Variants in EVI5 observed in about 807,000 individuals in gnomAD.
EVI5 encodes ecotropic viral integration site 5.
A neutral mutation model predicts 112.0 loss-of-function variants in EVI5; 73 were observed. That is an observed-to-expected ratio of 0.65 (90% CI 0.54 to 0.79). EVI5 has a LOEUF of 0.79. Among genes scored for constraint, EVI5 ranks in the 30% least tolerant of loss-of-function variants. The pLI is 0.00. For missense variants in EVI5, 900 were observed against 968.8 expected (o/e 0.93, Z 0.94); for synonymous variants, 305 against 319.9 (o/e 0.95, Z 0.50).
chr1:92,688,982 A>AAACAACT (rs891738668), intron 9 of EVI5, among the ~76,000 whole-genome samples: 26 of 152,290 alleles, frequency 1.7e-4, no homozygotes, highest in African/African-American at 6.0e-4. Context: ...CCCAGATCAT[A>AAACAACT]AACAACTAGT....
intron 5 of EVI5, among the ~76,000 whole-genome samples, chr1:92,698,777 T>A (rs959678336): frequency 6.6e-6 from 1 of 152,152 alleles, no homozygotes; most frequent in African/African-American, 2.4e-5. Flanking sequence ...ATGGTACAAG[T>A]ATTAAAAGGA....
intron 13 of EVI5, among the ~76,000 whole-genome samples, chr1:92,637,101 T>G (rs1334466558): frequency 6.6e-6 from 1 of 152,176 alleles, no homozygotes; most frequent in Non-Finnish European, 1.5e-5. Context: ...TGTAGAAATC[T>G]TCTTCAAAAG....
intron 1 of EVI5, among the ~76,000 whole-genome samples, chr1:92,778,446 G>A (rs1684439905): frequency 6.6e-6 from 1 of 152,090 alleles, no homozygotes; most frequent in African/African-American, 2.4e-5. Flanking sequence ...CATACAAGGT[G>A]GAAGACATAG....
chr1:92,693,884 T>A lies in EVI5; in HGVS notation c.1015A>T (p.Ile339Phe), dbSNP rs1326287199. The A allele has an allele frequency of 6.3e-7, 1 of 1,594,708 alleles. No homozygotes were observed. Among genetic ancestry groups the A allele is most frequent in the Admixed American group, 1.7e-5 (1 of 59,712 alleles). ...EGMLQHFQKVIPHQFDGVPDK... is the reference protein window; with the variant it reads ...EGMLQHFQKVFPHQFDGVPDK... ...GGGACACCATCAAACTGATGTGGAA[T>A]GACCTTTTGAAAGTGCTAAGATACA... The change falls in exon 9 of 20, where the codon ATT becomes TTT. Residue 339 changes from isoleucine (I) to phenylalanine (F), a missense_variant. By Grantham distance (21) the Ile-to-Phe change is conservative (BLOSUM62 0). Transcript: ENST00000684568.
At chr1:92,672,413 G>A (rs963060290) in intron 10 of EVI5, among the ~76,000 whole-genome samples, 1 of 152,066 alleles carries the variant, frequency 6.6e-6, no homozygotes, top group Non-Finnish European at 1.5e-5. Flanking sequence ...ACCCCGAATA[G>A]GTTCTGCCAT....
rs567081937 is a variant in EVI5 at position 92,716,691 on chromosome 1, T to G, written c.150-11947A>C. Among the ~76,000 whole-genome samples, 53 of 149,780 alleles carry G rather than the reference T, an allele frequency of 3.5e-4. 1 individual carries two copies. The South Asian group carries it at 0.011, about 31-fold the overall frequency. On this transcript the variant is annotated intron_variant, in intron 2 of 19. Coordinates refer to ENST00000684568, the MANE Select transcript of EVI5 (RefSeq NM_001350197.2). ...ACTTCTCCAAGCTAAAGGAGGATGT[T>G]CAAACCCATCACAAGGAAGCTAAAA...
intron 13 of EVI5, among the ~76,000 whole-genome samples, chr1:92,648,571 TG>T (rs1243995385): frequency 1.3e-5 from 2 of 152,126 alleles, no homozygotes; most frequent in Non-Finnish European, 2.9e-5. Flanking sequence ...CACTAATCTG[TG>T]TTCTGTTCTC....
chr1:92,651,655 T>G (rs925850416), intron 13 of EVI5, among the ~76,000 whole-genome samples: 3 of 146,728 alleles, frequency 2.0e-5, no homozygotes, highest in African/African-American at 7.6e-5. Context: ...ATCGAGACCA[T>G]CCCGGCTAAA....
chr1:92,679,692 C>T (rs2102341042), intron 9 of EVI5, among the ~76,000 whole-genome samples: 1 of 152,212 alleles, frequency 6.6e-6, no homozygotes, highest in South Asian at 2.1e-4. Flanking sequence ...ACCTAAAGCC[C>T]ATGACAGTTT....
intron 18 of EVI5, among the ~76,000 whole-genome samples, chr1:92,574,342 A>G (rs529203703): frequency 1.3e-5 from 2 of 152,290 alleles, no homozygotes; most frequent in East Asian, 3.8e-4. Context: ...GAAAGTGGGC[A>G]TTTTATTCAG....
chr1:92,531,133 T>C (rs951482700), intron 19 of EVI5, among the ~76,000 whole-genome samples: 6 of 151,852 alleles, frequency 4.0e-5, no homozygotes, highest in Non-Finnish European at 1.5e-5. Context: ...GAGAATTTCA[T>C]GAAGCATACA....
chr1:92,528,201 G>A (rs761328228), intron 19 of EVI5, among the ~76,000 whole-genome samples: 1 of 152,192 alleles, frequency 6.6e-6, no homozygotes, highest in Non-Finnish European at 1.5e-5. Context: ...AATCACGTTA[G>A]TGAAGATACG....
At chr1:92,621,234 A>C (rs1453070160) in intron 16 of EVI5, among the ~76,000 whole-genome samples, 1 of 152,246 alleles carries the variant, frequency 6.6e-6, no homozygotes, top group African/African-American at 2.4e-5. Context: ...AAGGTGACAG[A>C]TATCAATCCA....
chr1:92,622,346 A>G, intron 16 of EVI5: 2 of 443,920 alleles, frequency 4.5e-6, no homozygotes, highest in South Asian at 3.2e-5. Flanking sequence ...CCAGACTGCC[A>G]ACAGTGTTGA....
At position 92,624,251 on chromosome 1, in the gene EVI5, G is replaced by A; in HGVS notation, c.1752C>T (p.Thr584=). The A allele has an allele frequency of 6.2e-7, 1 of 1,612,504 alleles. No homozygotes were observed. The highest frequency in any genetic ancestry group is 8.5e-7 in the Non-Finnish European group (1 of 1,178,670). The stretch of plus-strand genomic sequence containing the variant: ...GTGTTTCAGCTTCTCTAAGTCGAAT[G>A]GTCATCAGTTCATCTTGTAACTCAT... The part of the protein sequence containing the change: ...AMNELQDELM[T]IRLREAETQA... Residue 584 remains threonine, a synonymous_variant, in exon 16 of 20, where the codon ACC becomes ACT. Coordinates refer to ENST00000684568, the MANE Select transcript of EVI5 (RefSeq NM_001350197.2).
At chr1:92,620,036 GA>G (rs1654171323) in intron 16 of EVI5, among the ~76,000 whole-genome samples, 1 of 152,102 alleles carries the variant, frequency 6.6e-6, no homozygotes, top group African/African-American at 2.4e-5. Flanking sequence ...AGCATGAGAA[GA>G]AATACTTGAA....
At chr1:92,529,100 C>G (rs537151068) in intron 19 of EVI5, among the ~76,000 whole-genome samples, 2 of 152,188 alleles carry the variant, frequency 1.3e-5, no homozygotes, top group African/African-American at 2.4e-5. Flanking sequence ...TTGCCCATTA[C>G]AAAATTGCTC....
chr1:92,736,877 C>A (rs943786692), intron 1 of EVI5, among the ~76,000 whole-genome samples: 2 of 152,066 alleles, frequency 1.3e-5, no homozygotes, highest in Non-Finnish European at 2.9e-5. Flanking sequence ...CAAAAATCAA[C>A]CAGCATGTTT....
At chr1:92,561,371 G>C (rs6603989) in intron 19 of EVI5, among the ~76,000 whole-genome samples, 3 of 151,706 alleles carry the variant, frequency 2.0e-5, no homozygotes, top group Admixed American at 6.6e-5. Context: ...ATGCAGTTTG[G>C]TTTCCACTCT....
Sources: gnomAD v4.1 joint callset for allele counts (sites outside exome capture counted in the v4.1 genomes callset) on GRCh38, gnomAD v4.1.1 for gene constraint, MANE v1.5 for transcripts, NCBI Gene and HGNC (gene_info 2026-07-23, HGNC 2026-07-21) for gene names.